Variants in GIGYF2 observed in about 807,000 individuals in gnomAD.
GIGYF2 encodes the protein GRB10-interacting GYF protein 2.
A neutral mutation model predicts 208.1 loss-of-function variants in GIGYF2; 25 were observed. That is an observed-to-expected ratio of 0.12 (90% CI 0.09 to 0.17). The LOEUF is 0.17. Among genes scored for constraint, GIGYF2 ranks in the 10% least tolerant of loss-of-function variants. The pLI, the probability that GIGYF2 is intolerant of heterozygous loss-of-function variation, is 1.00. For synonymous variants in GIGYF2, 534 were observed against 543.8 expected (o/e 0.98, Z 0.25); for missense variants, 1,302 against 1,579.4 (o/e 0.82, Z 2.98).
At chr2:232,705,102 G>A (rs1195797098) in intron 2 of GIGYF2, among the ~76,000 whole-genome samples, 6 of 149,902 alleles carry the variant, frequency 4.0e-5, no homozygotes, top group African/African-American at 4.9e-5. Context: ...CTCGTGATCC[G>A]CCTGCCTCGG....
At chr2:232,769,358 C>T (rs972871872) in intron 8 of GIGYF2, among the ~76,000 whole-genome samples, 2 of 151,946 alleles carry the variant, frequency 1.3e-5, no homozygotes. Flanking sequence ...TCATGAAACC[C>T]CGTCTCTACT....
At chr2:232,700,946 G>A (rs1439880795) in intron 1 of GIGYF2, among the ~76,000 whole-genome samples, 4 of 152,014 alleles carry the variant, frequency 2.6e-5, no homozygotes, top group Admixed American at 2.0e-4. Context: ...TTTATTTCAT[G>A]TATAAACTTG....
At chr2:232,815,895 T>TCCG (rs749461974) in intron 19 of GIGYF2, 158 bp downstream of exon 19, 1 of 611,622 alleles carries the variant, frequency 1.6e-6, no homozygotes, top group Non-Finnish European at 2.9e-6. Context: ...TACTGTGCTC[T>TCCG]CTTCTCCCAA....
chr2:232,764,062 C>T (rs1698850939), intron 8 of GIGYF2, among the ~76,000 whole-genome samples: 1 of 152,148 alleles, frequency 6.6e-6, no homozygotes, highest in African/African-American at 2.4e-5. Flanking sequence ...GTATGCTGAT[C>T]AGATTTTCAA....
At chr2:232,754,840 C>T (rs895743355) in intron 5 of GIGYF2, among the ~76,000 whole-genome samples, 2 of 150,576 alleles carry the variant, frequency 1.3e-5, no homozygotes, top group African/African-American at 4.9e-5. Flanking sequence ...TATCTTAAGT[C>T]TTTAGTTTTG....
intron 5 of GIGYF2, among the ~76,000 whole-genome samples, chr2:232,754,266 TGGC>T (rs1698448841): frequency 6.6e-6 from 1 of 152,136 alleles, no homozygotes; most frequent in Admixed American, 6.5e-5. Context: ...AAATTAGGAT[TGGC>T]TAATACATAG....
rs1574888322 is a variant in GIGYF2, at chr2:232,790,791, G to A, written c.806G>A (p.Arg269Gln). 1.2e-6 allele frequency: 2 copies of A among 1,614,100 alleles called. No homozygotes were observed. Among genetic ancestry groups the A allele is most frequent in the Non-Finnish European group, 1.7e-6 (2 of 1,179,970 alleles). Residue 269 changes from arginine (R) to glutamine (Q), a missense_variant, in exon 10 of 29, where the codon CGA (arginine) becomes CAA (glutamine). Transcript: ENST00000373563. ...GATAGAGATGATGAACGGGGTTACC[G>A]AAGGGTTCGCTCTGGCAGTGGGAGC... ...FRDRDDERGYRRVRSGSGSID... is the reference protein window; with the variant it reads ...FRDRDDERGYQRVRSGSGSID...
chr2:232,707,815 T>C (rs536766420), intron 2 of GIGYF2, among the ~76,000 whole-genome samples: 29 of 152,112 alleles, frequency 1.9e-4, no homozygotes, highest in Non-Finnish European at 3.2e-4. Context: ...TTTTTGTATT[T>C]TTAGTAGAGA....
At chr2:232,770,867 T>C (rs1699216108) in intron 8 of GIGYF2, 1 of 1,487,050 alleles carries the variant, frequency 6.7e-7, no homozygotes, top group Non-Finnish European at 9.4e-7. Context: ...GTTTTGTTTT[T>C]GTTTTTGTTT....
chr2:232,710,992 C>T (rs776657961), intron 2 of GIGYF2, among the ~76,000 whole-genome samples: 5 of 151,776 alleles, frequency 3.3e-5, no homozygotes, highest in Non-Finnish European at 7.4e-5. Context: ...TGAACCACTG[C>T]GCCTGGCCAG....
chr2:232,737,042 T>C (rs1697762299), intron 3 of GIGYF2, among the ~76,000 whole-genome samples: 1 of 152,246 alleles, frequency 6.6e-6, no homozygotes, highest in Admixed American at 6.5e-5. Context: ...AAAGTTTCAT[T>C]GAAAGACAGA....
intron 21 of GIGYF2, among the ~76,000 whole-genome samples, chr2:232,828,443 TTTTG>T (rs766100787): frequency 4.7e-4 from 71 of 152,128 alleles, no homozygotes; most frequent in African/African-American, 1.1e-3. Context: ...GGGTGGGGTT[TTTTG>T]TTTGTTTGTT....
chr2:232,715,054 A>G (rs1272928414), intron 2 of GIGYF2, among the ~76,000 whole-genome samples: 2 of 152,016 alleles, frequency 1.3e-5, no homozygotes, highest in African/African-American at 2.4e-5. Context: ...CTGTTCCTGC[A>G]TTGGTTTGCT....
At chr2:232,794,986 C>G in intron 13 of GIGYF2, 42 bp downstream of exon 13, 1 of 1,407,334 alleles carries the variant, frequency 7.1e-7, no homozygotes, top group Non-Finnish European at 1.0e-6. Context: ...CTTAAACTGC[C>G]GTAAGAATTA....
intron 24 of GIGYF2, 54 bp downstream of exon 24, chr2:232,844,309 C>G: frequency 6.2e-7 from 1 of 1,612,378 alleles, no homozygotes; most frequent in Non-Finnish European, 8.5e-7. Flanking sequence ...TCTTTTCTGA[C>G]TGTCTTCTTA....
intron 22 of GIGYF2, among the ~76,000 whole-genome samples, chr2:232,833,992 T>A (rs1012495938): frequency 1.3e-5 from 2 of 151,940 alleles, no homozygotes; most frequent in African/African-American, 4.8e-5. Context: ...GCTGGCCTGA[T>A]AGCAGTCAGC....
intron 8 of GIGYF2, among the ~76,000 whole-genome samples, chr2:232,777,179 G>C (rs1487370796): frequency 6.6e-6 from 1 of 151,856 alleles, no homozygotes; most frequent in Non-Finnish European, 1.5e-5. Context: ...TTCTGTACCT[G>C]ATACTTTAAA....
intron 2 of GIGYF2, among the ~76,000 whole-genome samples, chr2:232,731,529 G>A (rs1697496695): frequency 6.6e-6 from 1 of 152,308 alleles, no homozygotes; most frequent in East Asian, 1.9e-4. Flanking sequence ...TACAATTGAT[G>A]TGGTCTCTAC....
At chr2:232,776,953 T>G (rs1245261426) in intron 8 of GIGYF2, 2 of 152,852 alleles carry the variant, frequency 1.3e-5, no homozygotes, top group Non-Finnish European at 2.9e-5. Flanking sequence ...CCACCATGTC[T>G]TTGGGGAAGA....
Sources: allele counts gnomAD v4.1 joint callset (sites outside exome capture counted in the v4.1 genomes callset), GRCh38; gene constraint gnomAD v4.1.1; transcripts MANE v1.5; gene names NCBI Gene and HGNC (gene_info 2026-07-23, HGNC 2026-07-21).